The following BCAS3 variants were observed in gnomAD, a reference collection of about 807,000 sequenced individuals.
The protein encoded by BCAS3 is BCAS4/BCAS3 fusion.
BCAS3 carries 53 observed loss-of-function variants against 116.1 expected under a neutral mutation model. The ratio of observed to expected loss-of-function variants is 0.46; its 90% confidence interval spans 0.37 to 0.57. The LOEUF (loss-of-function observed/expected upper bound fraction) is 0.57. BCAS3 is among the 20% of genes least tolerant of loss of function. BCAS3 has a pLI of 0.00. For synonymous variants in BCAS3, 391 were observed against 408.2 expected (o/e 0.96, Z 0.51); for missense variants, 917 against 1,165.4 (o/e 0.79, Z 3.10).
In BCAS3 at chr17:61,300,673, T is replaced by C. The variant is rs1203762665; in HGVS notation, c.2426-67654T>C. On this transcript the variant is annotated intron_variant, in intron 22 of 23. Transcript: ENST00000407086. The surrounding 1 kb of genome is among the most constrained non-coding windows in gnomAD (Gnocchi z 5.1). ...GAAATGTACAAAATGTGGAACTCTCTGCATTAGCTGAAAATAGGGAAAAGA... is the reference window on the plus strand; with the variant it reads ...GAAATGTACAAAATGTGGAACTCTCCGCATTAGCTGAAAATAGGGAAAAGA... Among the ~76,000 whole-genome samples, 101 of 152,354 alleles carry C rather than the reference T, an allele frequency of 6.6e-4. 1 individual carries two copies. The highest frequency in any genetic ancestry group is 2.9e-5 in the Non-Finnish European group (2 of 68,024).
rs923972506 is a variant in BCAS3 at position 61,077,032 on chromosome 17, G to A, written c.2131-1301G>A. On this transcript the variant is annotated intron_variant, in intron 20 of 23. Transcript: ENST00000407086. The surrounding 1 kb of genome is among the most constrained non-coding windows in gnomAD (Gnocchi z 4.3). ...AGAACTCAGGACAAAAATAAGGCAT[G>A]TGGGAAGTCAATTACATAAAGTATT... is the stretch of plus-strand genomic sequence containing the variant. Among the ~76,000 whole-genome samples the A allele has an allele frequency of 6.6e-6, 1 of 152,028 alleles. No homozygotes were observed. Among genetic ancestry groups the A allele is most frequent in the Non-Finnish European group, 1.5e-5 (1 of 68,028 alleles).
At chr17:60,872,342 TACAC>T (rs1276713285) in intron 8 of BCAS3, among the ~76,000 whole-genome samples, 4 of 151,698 alleles carry the variant, frequency 2.6e-5, no homozygotes, top group East Asian at 1.9e-4. Context: ...TATGCACACA[TACAC>T]ACACCCCATA....
chr17:60,833,556 T>C (rs1466409010), intron 7 of BCAS3, among the ~76,000 whole-genome samples: 1 of 152,228 alleles, frequency 6.6e-6, no homozygotes, highest in Admixed American at 6.5e-5. Flanking sequence ...TGCACACTTA[T>C]ACTTTTGCAT....
In BCAS3 at chr17:61,256,803, G is replaced by C. The variant is rs1349660436; in HGVS notation, c.2426-111524G>C. 1.3e-5 allele frequency among the ~76,000 whole-genome samples: 2 copies of C among 152,062 alleles called. No homozygotes were observed. Among genetic ancestry groups the C allele is most frequent in the African/African-American group, 2.4e-5 (1 of 41,402 alleles). The stretch of plus-strand genomic sequence containing the variant: ...GGTTGTTGGTATGCCATGGCACAAG[G>C]ACCCAAAGTGATCTTCTCAGGCCTC... On this transcript the variant is annotated intron_variant, in intron 22 of 23. Coordinates refer to ENST00000407086, the MANE Select transcript of BCAS3 (RefSeq NM_017679.5). The surrounding 1 kb of genome is among the most constrained non-coding windows in gnomAD (Gnocchi z 5.6).
intron 22 of BCAS3, among the ~76,000 whole-genome samples, chr17:61,329,968 T>A (rs1172473342): frequency 6.6e-6 from 1 of 152,118 alleles, no homozygotes; most frequent in Non-Finnish European, 1.5e-5. Context: ...GCTAGAAATA[T>A]AAAAATGAAG....
Position 60,851,808 on chromosome 17 carries a change from T to G in BCAS3, c.477-16768T>G, listed in dbSNP as rs1599159497. ...CTTCTTGTACAATCCAGAGGAATAT[T>G]TTTATCAACTATTTTGTAAATGCAA... On this transcript the variant is annotated intron_variant, in intron 7 of 23. Coordinates refer to ENST00000407086, the MANE Select transcript of BCAS3 (RefSeq NM_017679.5). 10 of 1,278,200 alleles carry G rather than the reference T, an allele frequency of 7.8e-6. No homozygotes were observed. In the East Asian group the frequency reaches 1.7e-4, roughly 22 times the overall value. 79.2% of individuals were successfully genotyped at this position (1,278,200 alleles called of 1,614,324 possible).
intron 22 of BCAS3, among the ~76,000 whole-genome samples, chr17:61,357,286 TAAATA>T (rs1369026619): frequency 2.0e-5 from 3 of 148,152 alleles, no homozygotes; most frequent in Non-Finnish European, 3.0e-5. Flanking sequence ...ATTAAATAAA[TAAATA>T]AATAAAATAA....
rs768904505 is a variant in BCAS3 at position 61,388,574 on chromosome 17, A to G, written c.2594-3403A>G. ...TCAGTGTACTTCTCAATCGTTGTCC[A>G]TATCTTTTCCAAAAAGATTCCTCAA... On this transcript the variant is annotated intron_variant, in intron 23 of 23. Transcript: ENST00000407086. The surrounding 1 kb of genome is among the most constrained non-coding windows in gnomAD (Gnocchi z 6.5). 8 of 1,511,374 alleles carry G rather than the reference A, an allele frequency of 5.3e-6. No homozygotes were observed. In the Admixed American group the frequency reaches 1.2e-4, roughly 23 times the overall value. The allele number at this position is 1,511,374 out of a possible 1,614,324, so 93.6% of individuals were successfully genotyped here.
intron 22 of BCAS3, among the ~76,000 whole-genome samples, chr17:61,301,598 T>C (rs1644218220): frequency 1.3e-5 from 2 of 152,100 alleles, no homozygotes; most frequent in African/African-American, 2.4e-5. Flanking sequence ...GATTGCACCA[T>C]TGCAGCCGGA....
intron 22 of BCAS3, among the ~76,000 whole-genome samples, chr17:61,320,499 G>A (rs1323394889): frequency 6.6e-6 from 1 of 151,926 alleles, no homozygotes; most frequent in Non-Finnish European, 1.5e-5. Flanking sequence ...AGCTAACACG[G>A]TGAAACCCCA....
At chr17:61,223,003 G>T (rs767201070) in intron 22 of BCAS3, among the ~76,000 whole-genome samples, 5 of 152,102 alleles carry the variant, frequency 3.3e-5, no homozygotes, top group Non-Finnish European at 5.9e-5. Context: ...CAGTCCGGTT[G>T]TTCCCAAAAT....
chr17:60,817,073 T>A (rs1353641475), intron 7 of BCAS3, among the ~76,000 whole-genome samples: 1 of 152,214 alleles, frequency 6.6e-6, no homozygotes, highest in Non-Finnish European at 1.5e-5. Context: ...TCATATTTTA[T>A]CCTTTAGTAA....
rs908038031 is a variant in BCAS3 at position 61,126,154 on chromosome 17, G to T, written c.2425+41590G>T. Among the ~76,000 whole-genome samples the T allele has an allele frequency of 6.6e-6, 1 of 152,102 alleles. No individual in the cohort carries two copies. Among genetic ancestry groups the T allele is most frequent in the Non-Finnish European group, 1.5e-5 (1 of 67,998 alleles). The stretch of plus-strand genomic sequence containing the variant: ...ACTAATGTTTCTATAACCTCTGACC[G>T]AATACAGAAGATCCAAAATACTTCC... On this transcript the variant is annotated intron_variant, in intron 22 of 23. Transcript: ENST00000407086. This position sits in a 1 kb window ranked among gnomAD's most constrained non-coding sequence, Gnocchi z 4.6.
intron 22 of BCAS3, among the ~76,000 whole-genome samples, chr17:61,336,445 C>G (rs1038718657): frequency 1.3e-5 from 2 of 152,176 alleles, no homozygotes; most frequent in Non-Finnish European, 2.9e-5. Context: ...AGCGTCCTCC[C>G]ACGGAGAGCT....
chr17:60,740,499 A>T (rs1479342599), intron 5 of BCAS3, among the ~76,000 whole-genome samples: 1 of 122,566 alleles, frequency 8.2e-6, no homozygotes, highest in African/African-American at 4.0e-5. Flanking sequence ...ACCCTGTCTC[A>T]AAAAAAAAAA....
At chr17:60,716,681 C>T (rs1034158992) in intron 5 of BCAS3, among the ~76,000 whole-genome samples, 7 of 150,170 alleles carry the variant, frequency 4.7e-5, no homozygotes, top group Admixed American at 1.3e-4. Flanking sequence ...CACCACTGCA[C>T]GCCAGCCTGG....
At chr17:61,184,299 G>GA (rs1295748177) in intron 22 of BCAS3, among the ~76,000 whole-genome samples, 2 of 151,414 alleles carry the variant, frequency 1.3e-5, no homozygotes, top group Non-Finnish European at 2.9e-5. Context: ...CAATAATGAG[G>GA]AAAAAAACTC....
At chr17:61,035,335 C>T (rs931753385) in intron 17 of BCAS3, among the ~76,000 whole-genome samples, 22 of 152,066 alleles carry the variant, frequency 1.4e-4, no homozygotes, top group Non-Finnish European at 2.4e-4. Flanking sequence ...CCTGTAATCC[C>T]AGCACTTTAG....
rs951529423 is a variant in BCAS3 at position 61,019,114 on chromosome 17, T to C, written c.1637+3213T>C. The stretch of plus-strand genomic sequence containing the variant: ...TGGGCCACAGACTGGTGCTAGTCCC[T>C]GGCCTGTTAGGAACTGAGCCGCACA... On this transcript the variant is annotated intron_variant, in intron 16 of 23. Coordinates refer to ENST00000407086, the MANE Select transcript of BCAS3 (RefSeq NM_017679.5). This position sits in a 1 kb window ranked among gnomAD's most constrained non-coding sequence, Gnocchi z 5.6. Among the ~76,000 whole-genome samples, 2 of 152,224 alleles carry C rather than the reference T, an allele frequency of 1.3e-5. No individual in the cohort carries two copies. Among genetic ancestry groups the C allele is most frequent in the Non-Finnish European group, 2.9e-5 (2 of 68,026 alleles).
Sources: gnomAD v4.1 joint callset for allele counts (sites outside exome capture counted in the v4.1 genomes callset) on GRCh38, gnomAD v4.1.1 for gene constraint, Gnocchi (gnomAD v3.1) non-coding constraint, MANE v1.5 for transcripts, NCBI Gene and HGNC (gene_info 2026-07-23, HGNC 2026-07-21) for gene names.